The following PLGRKT variants were observed in gnomAD, a reference collection of about 807,000 sequenced individuals.
PLGRKT encodes plasminogen receptor with a C-terminal lysine.
A neutral mutation model predicts 18.5 loss-of-function variants in PLGRKT; 22 were observed. The observed-to-expected ratio is 1.19, with a 90% CI of 0.85 to 1.70. The LOEUF is 1.70. Ranked by LOEUF, PLGRKT falls within the 40% of genes most tolerant of loss-of-function variation. The pLI is 0.00. For missense variants in PLGRKT, 235 were observed against 174.4 expected (o/e 1.35, Z -1.96); for synonymous variants, 72 against 52.8 (o/e 1.36, Z -1.58).
chr9:5,386,697 T>G (rs1817850820), intron 3 of PLGRKT, among the ~76,000 whole-genome samples: 3 of 151,864 alleles, frequency 2.0e-5, no homozygotes, highest in Non-Finnish European at 4.4e-5. Context: ...TTTCTGTTCA[T>G]CCCACCTGCT....
chr9:5,431,840 G>C, intron 3 of PLGRKT, 57 bp downstream of exon 3: 1 of 818,210 alleles, frequency 1.2e-6, no homozygotes, highest in Admixed American at 1.9e-5. Context: ...TGGAGTACAT[G>C]TGGTAGAAAC....
At chr9:5,381,815 T>A in intron 3 of PLGRKT, 1 of 925,436 alleles carries the variant, frequency 1.1e-6, no homozygotes, top group Non-Finnish European at 1.3e-6. Context: ...ATTGTAGTTT[T>A]AAAAAATACA....
At chr9:5,367,020 TACACACACATACACACACACACAC>T (rs747776529) in intron 3 of PLGRKT, among the ~76,000 whole-genome samples, 7 of 58,162 alleles carry the variant, frequency 1.2e-4, no homozygotes, top group African/African-American at 3.5e-4. Flanking sequence ...GACAGACAGA[TACACACACATACACACACACACAC>T]ACACACACAC....
chr9:5,429,027 GA>G (rs1450886702), intron 3 of PLGRKT, among the ~76,000 whole-genome samples: 3 of 152,074 alleles, frequency 2.0e-5, no homozygotes, highest in African/African-American at 7.2e-5. Flanking sequence ...CTAGGTGGGG[GA>G]AAGTAACTGA....
chr9:5,398,812 T>G (rs1818101299), intron 3 of PLGRKT, among the ~76,000 whole-genome samples: 1 of 151,874 alleles, frequency 6.6e-6, no homozygotes, highest in Non-Finnish European at 1.5e-5. Context: ...AGTGATGGGG[T>G]CAGAACAAGT....
At chr9:5,415,085 T>C (rs564096352) in intron 3 of PLGRKT, among the ~76,000 whole-genome samples, 5 of 152,288 alleles carry the variant, frequency 3.3e-5, no homozygotes, top group Admixed American at 6.5e-5. Context: ...CAGGACTCCA[T>C]GAAGAAGTCA....
At position 5,431,531 on chromosome 9, in the gene PLGRKT, C is replaced by CA. The variant is rs1191361436; in HGVS notation, c.81+365dup. ...GCTGGGCAACACAGTGAGACTCTCTCAAAAAAAAAAAAAAAAAAAAAAAGA... is the reference window on the plus strand; with the variant it reads ...GCTGGGCAACACAGTGAGACTCTCTCAAAAAAAAAAAAAAAAAAAAAAAAGA... On this transcript the variant is annotated intron_variant, in intron 3 of 5. Coordinates refer to ENST00000223864, the MANE Select transcript of PLGRKT (RefSeq NM_018465.4). 9.0e-3 allele frequency among the ~76,000 whole-genome samples: 689 copies of CA among 76,564 alleles called. 7 individuals are homozygous for CA. The highest frequency in any genetic ancestry group is 0.015 in the South Asian group (28 of 1,868). 50.2% of individuals were successfully genotyped at this position (76,564 alleles called of 152,430 possible). A position where few individuals can be genotyped will look rare whatever the true frequency, so the allele number is the denominator to read the frequency against.
At position 5,365,196 on chromosome 9, in the gene PLGRKT, G is replaced by T. The variant is rs138383031; in HGVS notation, c.82-3308C>A. On this transcript the variant is annotated intron_variant, in intron 3 of 5. Transcript: ENST00000223864. The stretch of plus-strand genomic sequence containing the variant: ...CTGGGGCAAGAAATGTATAAGAGGA[G>T]CCTACAGAATCTTATAGTGCCAGAA... Among the ~76,000 whole-genome samples the T allele has an allele frequency of 7.4e-3, 1,124 of 152,230 alleles. 20 individuals are homozygous for T. Among genetic ancestry groups the T allele is most frequent in the African/African-American group, 0.026 (1,063 of 41,540 alleles).
intron 3 of PLGRKT, among the ~76,000 whole-genome samples, chr9:5,367,535 A>G (rs1285545613): frequency 6.6e-6 from 1 of 152,234 alleles, no homozygotes; most frequent in African/African-American, 2.4e-5. Context: ...CTTCCTAGCT[A>G]TATGCAGAAG....
chr9:5,422,946 G>A (rs759901905), intron 3 of PLGRKT, among the ~76,000 whole-genome samples: 5 of 152,154 alleles, frequency 3.3e-5, no homozygotes, highest in Middle Eastern at 3.4e-3. Flanking sequence ...TCAGTTAATT[G>A]CTTTCGAAAC....
intron 3 of PLGRKT, among the ~76,000 whole-genome samples, chr9:5,407,863 A>C (rs1038988740): frequency 6.6e-6 from 1 of 152,130 alleles, no homozygotes; most frequent in African/African-American, 2.4e-5. Flanking sequence ...GCCACTCTTA[A>C]TTGCATCTGT....
chr9:5,421,104 T>C (rs1563788554), intron 3 of PLGRKT, among the ~76,000 whole-genome samples: 1 of 152,190 alleles, frequency 6.6e-6, no homozygotes, highest in East Asian at 1.9e-4. Context: ...ACAGTTGTCC[T>C]GGGTACAAGG....
At chr9:5,359,436 A>G (rs1260745037) in intron 5 of PLGRKT, among the ~76,000 whole-genome samples, 1 of 152,172 alleles carries the variant, frequency 6.6e-6, no homozygotes, top group Non-Finnish European at 1.5e-5. Flanking sequence ...ATCATCTGCA[A>G]ATGTCTTATT....
At chr9:5,417,487 T>C (rs1279563211) in intron 3 of PLGRKT, among the ~76,000 whole-genome samples, 1 of 151,708 alleles carries the variant, frequency 6.6e-6, no homozygotes, top group Non-Finnish European at 1.5e-5. Flanking sequence ...GTTTCTCTGA[T>C]ATGACACCAA....
intron 5 of PLGRKT, among the ~76,000 whole-genome samples, chr9:5,359,816 T>C (rs1480393462): frequency 2.6e-5 from 4 of 152,224 alleles, no homozygotes; most frequent in Admixed American, 6.5e-5. Flanking sequence ...AGCAGTATGC[T>C]GGTGAATATT....
Position 5,436,560 on chromosome 9 carries a change from TAG to T in PLGRKT, c.-7+7_-7+8del, listed in dbSNP as rs1818963337. 1 of 152,300 alleles carries T rather than the reference TAG, an allele frequency of 6.6e-6. No individual in the cohort carries two copies. Among genetic ancestry groups the T allele is most frequent in the African/African-American group, 2.4e-5 (1 of 41,448 alleles). 9.4% of individuals were successfully genotyped at this position (152,300 alleles called of 1,614,324 possible). ...AAACACTGTCTGGGAAGTTAGTATT[TAG>T]ATTTACCTCTTTCTGGGCCTTGCTC... On this transcript the variant is annotated splice_region_variant and intron_variant, in intron 2 of 5. Coordinates refer to ENST00000223864, the MANE Select transcript of PLGRKT (RefSeq NM_018465.4).
chr9:5,430,095 C>T (rs541952564), intron 3 of PLGRKT, among the ~76,000 whole-genome samples: 8 of 152,294 alleles, frequency 5.3e-5, no homozygotes, highest in Non-Finnish European at 7.3e-5. Context: ...TTTGTCACCT[C>T]GGTGAGTTTT....
intron 3 of PLGRKT, among the ~76,000 whole-genome samples, chr9:5,425,741 C>T (rs2131168442): frequency 6.6e-6 from 1 of 152,182 alleles, no homozygotes; most frequent in Middle Eastern, 3.4e-3. Context: ...GATTGGGAGC[C>T]TGACCAGTGG....
At chr9:5,433,736 A>T (rs1818887321) in intron 2 of PLGRKT, among the ~76,000 whole-genome samples, 1 of 125,736 alleles carries the variant, frequency 8.0e-6, no homozygotes, top group Non-Finnish European at 1.6e-5. Context: ...ATCGTCTGGG[A>T]TGTGAGGAGC....
Sources: gnomAD v4.1 joint callset for allele counts (sites outside exome capture counted in the v4.1 genomes callset) on GRCh38, gnomAD v4.1.1 for gene constraint, MANE v1.5 for transcripts, NCBI Gene and HGNC (gene_info 2026-07-23, HGNC 2026-07-21) for gene names.